The following KIAA0319L variants were observed in gnomAD, a reference collection of about 807,000 sequenced individuals.
KIAA0319L encodes the protein dyslexia-associated protein KIAA0319-like protein.
KIAA0319L carries 55 observed loss-of-function variants against 120.1 expected under a neutral mutation model. That is an observed-to-expected ratio of 0.46 (90% CI 0.37 to 0.57). The LOEUF (loss-of-function observed/expected upper bound fraction) is 0.57. Ranked by LOEUF, KIAA0319L falls within the 20% of genes least tolerant of loss-of-function variation. The pLI is 0.00. For synonymous variants in KIAA0319L, 398 were observed against 471.9 expected (o/e 0.84, Z 2.03); for missense variants, 1,049 against 1,255.3 (o/e 0.84, Z 2.48).
chr1:35,443,997 C>A (rs1381873766), intron 17 of KIAA0319L, 164 bp downstream of exon 17: 3 of 552,932 alleles, frequency 5.4e-6, no homozygotes, highest in Non-Finnish European at 8.7e-6. Flanking sequence ...AGTTAAGAAT[C>A]CCCAGTGATG....
At chr1:35,460,030 T>TA (rs1003155600) in intron 9 of KIAA0319L, among the ~76,000 whole-genome samples, 15 of 152,070 alleles carry the variant, frequency 9.9e-5, no homozygotes, top group African/African-American at 3.6e-4. Context: ...ACAGAAATCC[T>TA]AAAAAAAATT....
rs1465926660 is a variant in KIAA0319L, at chr1:35,506,238, T to C, written c.666+374A>G. ...AAAGAATGTGTTTACAGGCGAGAGATGGAGGAGAACTTGACTGTAACCACA... is the reference window on the plus strand; with the variant it reads ...AAAGAATGTGTTTACAGGCGAGAGACGGAGGAGAACTTGACTGTAACCACA... On this transcript the variant is annotated intron_variant, in intron 3 of 20. Transcript: ENST00000325722. The surrounding 1 kb of genome is among the most constrained non-coding windows in gnomAD (Gnocchi z 4.0). Among the ~76,000 whole-genome samples the C allele has an allele frequency of 6.6e-6, 1 of 152,162 alleles. No individual in the cohort carries two copies. Among genetic ancestry groups the C allele is most frequent in the Admixed American group, 6.5e-5 (1 of 15,276 alleles).
At chr1:35,500,828 C>G (rs1644978379) in intron 3 of KIAA0319L, among the ~76,000 whole-genome samples, 1 of 152,248 alleles carries the variant, frequency 6.6e-6, no homozygotes, top group South Asian at 2.1e-4. Flanking sequence ...ACAAGGCAAT[C>G]TTACCACCTT....
chr1:35,456,545 C>G (rs1485526425), intron 9 of KIAA0319L, among the ~76,000 whole-genome samples: 1 of 151,898 alleles, frequency 6.6e-6, no homozygotes, highest in Non-Finnish European at 1.5e-5. Context: ...GGTGCGTTGG[C>G]ACACACCTGT....
chr1:35,479,010 G>A lies in KIAA0319L; in HGVS notation c.869C>T (p.Pro290Leu). ...GCTCTGGAAAGAGGCCTGGGGGGTA[G>A]GGGTAGCATAACTGTAGGAGGGAGC... ...PVAPSYSYAT[P>L]TPQASFQSTS... Residue 290 changes from proline (P) to leucine (L), a missense_variant, in exon 4 of 21, where the codon CCT becomes CTT. By Grantham distance (98) the Pro-to-Leu change is moderately conservative. Coordinates refer to ENST00000325722, the MANE Select transcript of KIAA0319L (RefSeq NM_024874.5). The A allele has an allele frequency of 6.2e-7, 1 of 1,614,132 alleles. No homozygotes were observed. The highest frequency in any genetic ancestry group is 8.5e-7 in the Non-Finnish European group (1 of 1,179,994).
chr1:35,460,253 C>T (rs186090426), intron 9 of KIAA0319L, 52 bp downstream of exon 9: 43 of 1,506,192 alleles, frequency 2.9e-5, no homozygotes, highest in South Asian at 4.8e-5. Context: ...GTAAAACCCA[C>T]GAGAGGCAAA....
intron 18 of KIAA0319L, 94 bp from the exon 19 acceptor site, chr1:35,442,430 T>A: frequency 1.1e-6 from 1 of 922,594 alleles, no homozygotes; most frequent in Non-Finnish European, 1.8e-6. Flanking sequence ...GGCTTCACTC[T>A]GGAGACAAGA....
intron 3 of KIAA0319L, among the ~76,000 whole-genome samples, chr1:35,502,148 C>A (rs1290421263): frequency 6.6e-6 from 1 of 151,160 alleles, no homozygotes; most frequent in East Asian, 2.0e-4. Flanking sequence ...GTGTGCCACA[C>A]CCCTGTGGTA....
chr1:35,498,764 C>T (rs1644900915), intron 3 of KIAA0319L, among the ~76,000 whole-genome samples: 1 of 152,194 alleles, frequency 6.6e-6, no homozygotes, highest in South Asian at 2.1e-4. Flanking sequence ...TAGGGGTCCT[C>T]CTTGGTAAGG....
chr1:35,498,931 GGCATTAGTCGGGTCTTCTTCCT>G (rs1175505056), intron 3 of KIAA0319L, among the ~76,000 whole-genome samples: 1 of 152,218 alleles, frequency 6.6e-6, no homozygotes, highest in Non-Finnish European at 1.5e-5. Context: ...TTCCTGCAGT[GGCATTAGTCGGGTCTTCTTCCT>G]GCATTAGTGG....
chr1:35,507,171 T>G (rs1473749716), intron 2 of KIAA0319L, 36 bp from the exon 3 acceptor site: 1 of 1,510,508 alleles, frequency 6.6e-7, no homozygotes, highest in South Asian at 1.4e-5. Flanking sequence ...TCAGATGAAA[T>G]AAAAACAGAG....
chr1:35,436,856 T>A (rs1459604306), intron 20 of KIAA0319L, among the ~76,000 whole-genome samples: 2 of 151,790 alleles, frequency 1.3e-5, no homozygotes, highest in African/African-American at 2.4e-5. Context: ...ACATCCTCTT[T>A]CCCCCCAACG....
intron 3 of KIAA0319L, among the ~76,000 whole-genome samples, chr1:35,501,647 C>A (rs917991741): frequency 6.6e-6 from 1 of 152,112 alleles, no homozygotes; most frequent in Non-Finnish European, 1.5e-5. Flanking sequence ...GAGGCCGAGG[C>A]AGGCAGATCA....
In KIAA0319L at chr1:35,465,328, A is replaced by G. The variant is rs532012410; in HGVS notation, c.1201+1280T>C. On this transcript the variant is annotated intron_variant, in intron 7 of 20. Transcript: ENST00000325722. ...CACCTCTTGCATCAGCATGACCTGG[A>G]TGTGAGACATGGAGTCAAAGGAGAT... 5.9e-5 allele frequency among the ~76,000 whole-genome samples: 9 copies of G among 152,322 alleles called. No individual in the cohort carries two copies. The South Asian group carries it at 1.9e-3, about 32-fold the overall frequency.
intron 2 of KIAA0319L, among the ~76,000 whole-genome samples, chr1:35,521,033 G>A (rs1187536482): frequency 6.6e-6 from 1 of 152,200 alleles, no homozygotes; most frequent in Non-Finnish European, 1.5e-5. Flanking sequence ...TTCATCAGTT[G>A]ATAACTGGTT....
At chr1:35,543,248 AAC>A (rs1374115124) in intron 2 of KIAA0319L, among the ~76,000 whole-genome samples, 1 of 152,230 alleles carries the variant, frequency 6.6e-6, no homozygotes, top group Non-Finnish European at 1.5e-5. Context: ...GGTTTGTGTT[AAC>A]AGCCAGAAAA....
chr1:35,447,980 C>G (rs1641759954), intron 16 of KIAA0319L, among the ~76,000 whole-genome samples, 193 bp downstream of exon 16: 1 of 152,172 alleles, frequency 6.6e-6, no homozygotes. Flanking sequence ...CACCCTGGAG[C>G]CCTGCTGAAG....
chr1:35,524,629 C>G (rs906826788), intron 2 of KIAA0319L, among the ~76,000 whole-genome samples: 1 of 152,150 alleles, frequency 6.6e-6, no homozygotes, highest in Non-Finnish European at 1.5e-5. Context: ...AATTATCTGA[C>G]AAACTGGATC....
At chr1:35,521,623 G>A (rs906159872) in intron 2 of KIAA0319L, among the ~76,000 whole-genome samples, 1 of 150,428 alleles carries the variant, frequency 6.6e-6, no homozygotes, top group Non-Finnish European at 1.5e-5. Flanking sequence ...GACGGAGAGA[G>A]ACTCCGTCTC....
Sources: allele counts gnomAD v4.1 joint callset (sites outside exome capture counted in the v4.1 genomes callset), GRCh38; gene constraint gnomAD v4.1.1; non-coding constraint Gnocchi (gnomAD v3.1); transcripts MANE v1.5; gene names NCBI Gene and HGNC (gene_info 2026-07-23, HGNC 2026-07-21).